EYS: variants seen among roughly 807,000 people sequenced by gnomAD.
The protein encoded by EYS is protein eyes shut homolog.
A neutral mutation model predicts 282.1 loss-of-function variants in EYS; 250 were observed. The ratio of observed to expected loss-of-function variants is 0.89; its 90% CI spans 0.80 to 0.98. The LOEUF (loss-of-function observed/expected upper bound fraction) is 0.98, where lower values mean the gene tolerates loss of function less well. Ranked by LOEUF, EYS falls within the 50% of genes least tolerant of loss-of-function variation. The pLI, the probability that EYS is intolerant of heterozygous loss-of-function variation, is 0.00. For missense variants in EYS, 4,016 were observed against 3,709.0 expected (o/e 1.08, Z -2.15); for synonymous variants, 1,355 against 1,282.9 (o/e 1.06, Z -1.20).
intron 12 of EYS, among the ~76,000 whole-genome samples, chr6:65,208,597 T>A (rs556433492): frequency 4.6e-5 from 7 of 151,942 alleles, no homozygotes; most frequent in African/African-American, 1.7e-4. Flanking sequence ...GTTATATATC[T>A]AAACCATGAA....
intron 12 of EYS, among the ~76,000 whole-genome samples, chr6:65,114,823 T>C (rs1343757812): frequency 2.0e-5 from 3 of 151,982 alleles, no homozygotes; most frequent in African/African-American, 7.2e-5. Flanking sequence ...TGAATACTCC[T>C]ATGTACTTTA....
intron 29 of EYS, among the ~76,000 whole-genome samples, chr6:64,319,124 C>A (rs891456085): frequency 1.3e-5 from 2 of 151,808 alleles, no homozygotes; most frequent in Non-Finnish European, 2.9e-5. Flanking sequence ...GTAGTCTTTG[C>A]TGTCTACTGT....
At chr6:65,302,096 C>CT (rs766918105) in intron 11 of EYS, among the ~76,000 whole-genome samples, 25 of 152,132 alleles carry the variant, frequency 1.6e-4, no homozygotes, top group South Asian at 8.3e-4. Flanking sequence ...TAAATGAACT[C>CT]TTTTTTTTGT....
chr6:64,150,261 G>A lies in EYS; in HGVS notation c.6425-68259C>T, dbSNP rs528217446. On this transcript the variant is annotated intron_variant, in intron 31 of 42. Coordinates refer to ENST00000503581, the MANE Select transcript of EYS (RefSeq NM_001142800.2). ...AGAAGTCCTTGTAAAGGGCTGAAAA[G>A]AAATCTAGATTAAGGATAATGATCT... 2.0e-5 allele frequency among the ~76,000 whole-genome samples: 3 copies of A among 152,306 alleles called. No individual in the cohort carries two copies. The South Asian group carries it at 6.2e-4, about 32-fold the overall frequency.
chr6:65,693,148 T>G (rs1473334700), intron 1 of EYS, among the ~76,000 whole-genome samples: 1 of 149,836 alleles, frequency 6.7e-6, no homozygotes, highest in African/African-American at 2.4e-5. Flanking sequence ...ATCGCTTCCT[T>G]CCTTTCTTCC....
intron 12 of EYS, among the ~76,000 whole-genome samples, chr6:65,262,054 C>G (rs1276364811): frequency 6.6e-6 from 1 of 152,016 alleles, no homozygotes; most frequent in Non-Finnish European, 1.5e-5. Context: ...GTACACTGAT[C>G]ATGTTGAGAT....
chr6:64,755,276 T>C lies in EYS; in HGVS notation c.3443+58102A>G, dbSNP rs116121600. Among the ~76,000 whole-genome samples, 244 of 152,054 alleles carry C rather than the reference T, an allele frequency of 1.6e-3. 1 individual carries two copies. Among genetic ancestry groups the C allele is most frequent in the Middle Eastern group, 6.8e-3 (2 of 294 alleles). On this transcript the variant is annotated intron_variant, in intron 22 of 42. Coordinates refer to ENST00000503581, the MANE Select transcript of EYS (RefSeq NM_001142800.2). ...CTCTACAAGACAAAGTACAAAACAC[T>C]GATGAAAAGAATTATAGGTGACACA...
Position 64,254,845 on chromosome 6 carries a change from C to A in EYS, c.6192-24021G>T, listed in dbSNP as rs1429126752. 2.8e-4 allele frequency among the ~76,000 whole-genome samples: 43 copies of A among 151,978 alleles called. 1 individual carries two copies. Among genetic ancestry groups the A allele is most frequent in the Non-Finnish European group, 1.5e-5 (1 of 67,980 alleles). ...ACTTGCCTTTGAGGAAATGACCTTG[C>A]AGAAGCAATCAAAGATTTGGAAATG... is the stretch of plus-strand genomic sequence containing the variant. On this transcript the variant is annotated intron_variant, in intron 30 of 42. Coordinates refer to ENST00000503581, the MANE Select transcript of EYS (RefSeq NM_001142800.2).
intron 1 of EYS, among the ~76,000 whole-genome samples, chr6:65,704,072 G>A (rs1455955311): frequency 2.0e-5 from 3 of 152,092 alleles, no homozygotes; most frequent in South Asian, 2.1e-4. Flanking sequence ...AGGAGTAAAC[G>A]CTGATATAAA....
intron 2 of EYS, among the ~76,000 whole-genome samples, chr6:65,549,985 C>A (rs551988628): frequency 2.5e-5 from 3 of 119,134 alleles, no homozygotes; most frequent in Non-Finnish European, 5.4e-5. Flanking sequence ...GGCAAGGTGG[C>A]AACCATCCTC....
intron 22 of EYS, among the ~76,000 whole-genome samples, chr6:64,778,175 G>T (rs757247112): frequency 2.0e-5 from 3 of 152,098 alleles, no homozygotes; most frequent in Admixed American, 6.6e-5. Flanking sequence ...GATTGGTGAA[G>T]AATTTTTCTT....
intron 22 of EYS, among the ~76,000 whole-genome samples, chr6:64,774,985 T>C (rs758428421): frequency 2.0e-5 from 3 of 152,030 alleles, no homozygotes; most frequent in Non-Finnish European, 4.4e-5. Context: ...AAGGTATTTC[T>C]AGTGCCTATC....
intron 12 of EYS, among the ~76,000 whole-genome samples, chr6:65,181,846 G>T (rs1765393942): frequency 1.3e-5 from 2 of 152,172 alleles, no homozygotes; most frequent in Admixed American, 1.3e-4. Flanking sequence ...AAGAAAATGT[G>T]TCACATATAC....
intron 33 of EYS, among the ~76,000 whole-genome samples, chr6:64,016,435 T>C (rs1768892907): frequency 6.6e-6 from 1 of 151,968 alleles, no homozygotes; most frequent in Non-Finnish European, 1.5e-5. Flanking sequence ...GTTATAAACC[T>C]GTACGTTGTA....
At chr6:63,726,420 G>A in intron 42 of EYS, 99 bp downstream of exon 42, 3 of 1,048,130 alleles carry the variant, frequency 2.9e-6, no homozygotes, top group South Asian at 3.7e-5. Flanking sequence ...AGCATCAAAT[G>A]TTTACATATT....
chr6:64,725,816 G>A (rs1012540719), intron 22 of EYS, among the ~76,000 whole-genome samples: 1 of 151,682 alleles, frequency 6.6e-6, no homozygotes, highest in Non-Finnish European at 1.5e-5. Flanking sequence ...GTTTAATCAA[G>A]CTTTTTCCTT....
intron 28 of EYS, among the ~76,000 whole-genome samples, chr6:64,425,353 A>G (rs1014414846): frequency 2.0e-5 from 3 of 152,120 alleles, no homozygotes; most frequent in African/African-American, 7.2e-5. Context: ...CCAGAGCCCA[A>G]ATAAAAAAAT....
intron 14 of EYS, among the ~76,000 whole-genome samples, chr6:64,949,949 C>T (rs1769428344): frequency 6.6e-6 from 1 of 151,860 alleles, no homozygotes; most frequent in South Asian, 2.1e-4. Flanking sequence ...TAGCCATTAC[C>T]TCTAGGCAAA....
At chr6:64,862,685 A>ATTTT (rs142710649) in intron 19 of EYS, among the ~76,000 whole-genome samples, 8,796 of 151,808 alleles carry the variant, frequency 0.058, 271 homozygotes, top group East Asian at 0.16. Flanking sequence ...AATTATTATT[A>ATTTT]TTTTTTTGCA....
Sources: gnomAD v4.1 joint callset for allele counts (sites outside exome capture counted in the v4.1 genomes callset) on GRCh38, gnomAD v4.1.1 for gene constraint, MANE v1.5 for transcripts, NCBI Gene and HGNC (gene_info 2026-07-23, HGNC 2026-07-21) for gene names.